LRRC3B: variants seen among roughly 807,000 people sequenced by gnomAD.
The protein encoded by LRRC3B is leucine-rich repeat-containing protein 3B.
LRRC3B carries 2 observed loss-of-function variants against 12.8 expected under a neutral mutation model. The ratio of observed to expected loss-of-function variants is 0.16; its 90% CI spans 0.06 to 0.49. The LOEUF is 0.49. Ranked by LOEUF, LRRC3B falls within the 20% of genes least tolerant of loss-of-function variation. The probability of loss-of-function intolerance (pLI) is 0.96; values close to 1 mark genes in which losing one functional copy is unlikely to be tolerated. For missense variants in LRRC3B, 189 were observed against 319.4 expected (o/e 0.59, Z 3.11); for synonymous variants, 132 against 122.0 (o/e 1.08, Z -0.54).
intron 1 of LRRC3B, among the ~76,000 whole-genome samples, chr3:26,695,172 G>A (rs1176765606): frequency 6.6e-6 from 1 of 152,060 alleles, no homozygotes; most frequent in Non-Finnish European, 1.5e-5. Context: ...TCATTTTGAT[G>A]TACCATATTT....
rs375022327 is a variant in LRRC3B at position 26,685,245 on chromosome 3, G to T, written c.-160-24268G>T. 2.7e-4 allele frequency among the ~76,000 whole-genome samples: 41 copies of T among 152,118 alleles called. No homozygotes were observed. The East Asian group carries it at 5.1e-3, about 19-fold the overall frequency. On this transcript the variant is annotated intron_variant, in intron 1 of 1. Transcript: ENST00000396641. The stretch of plus-strand genomic sequence containing the variant: ...TGGGATTGCAGGCATGAGGTACTGT[G>T]CCTGGCCCACATGGGGGTTATTGTT...
At chr3:26,649,768 G>A (rs752210868) in intron 1 of LRRC3B, among the ~76,000 whole-genome samples, 3 of 152,090 alleles carry the variant, frequency 2.0e-5, no homozygotes, top group Non-Finnish European at 4.4e-5. Context: ...AAATTCCTTA[G>A]CCTGGCATCT....
intron 1 of LRRC3B, among the ~76,000 whole-genome samples, chr3:26,683,412 G>C (rs115674193): frequency 1.3e-5 from 2 of 150,054 alleles, no homozygotes; most frequent in African/African-American, 5.1e-5. Context: ...TTTCTTTGGG[G>C]CCCACCAGTT....
chr3:26,624,382 C>G (rs1174209447), intron 1 of LRRC3B: 1 of 152,952 alleles, frequency 6.5e-6, no homozygotes, highest in African/African-American at 2.4e-5. Context: ...CGCCCACCTT[C>G]CCTGCCAGGC....
chr3:26,688,337 G>C (rs1192489900), intron 1 of LRRC3B, among the ~76,000 whole-genome samples: 1 of 152,214 alleles, frequency 6.6e-6, no homozygotes, highest in Non-Finnish European at 1.5e-5. Flanking sequence ...AAGGTTGAAA[G>C]TTCGACTTGG....
At chr3:26,671,404 A>AGAGAGAGAGAGAGAGAGAGG (rs1699741487) in intron 1 of LRRC3B, among the ~76,000 whole-genome samples, 1 of 130,306 alleles carries the variant, frequency 7.7e-6, no homozygotes. Context: ...AGAGAGAGAG[A>AGAGAGAGAGAGAGAGAGAGG]GAGAGAGAGA....
intron 1 of LRRC3B, among the ~76,000 whole-genome samples, chr3:26,628,434 A>T (rs1453476032): frequency 1.3e-5 from 2 of 151,256 alleles, no homozygotes; most frequent in African/African-American, 4.8e-5. Flanking sequence ...AAAAAAAAAA[A>T]AAAAAGCTCA....
At chr3:26,703,284 T>C (rs912496557) in intron 1 of LRRC3B, among the ~76,000 whole-genome samples, 2 of 152,116 alleles carry the variant, frequency 1.3e-5, no homozygotes, top group Non-Finnish European at 2.9e-5. Flanking sequence ...TTTGGGAATA[T>C]TGCATTAAAG....
intron 1 of LRRC3B, among the ~76,000 whole-genome samples, chr3:26,667,952 A>C (rs1340030606): frequency 6.6e-6 from 1 of 151,778 alleles, no homozygotes; most frequent in Non-Finnish European, 1.5e-5. Context: ...ATTATACTTT[A>C]AGTTTTTAAT....
intron 1 of LRRC3B, among the ~76,000 whole-genome samples, chr3:26,686,411 CT>C (rs1700090421): frequency 6.6e-6 from 1 of 152,150 alleles, no homozygotes; most frequent in South Asian, 2.1e-4. Context: ...TTCCATGCTC[CT>C]TATGGTAACT....
At chr3:26,641,010 T>C (rs1226687569) in intron 1 of LRRC3B, among the ~76,000 whole-genome samples, 1 of 152,094 alleles carries the variant, frequency 6.6e-6, no homozygotes, top group Non-Finnish European at 1.5e-5. Flanking sequence ...TCTACAGTTG[T>C]GGGAGATGTT....
chr3:26,636,742 C>G (rs776673024), intron 1 of LRRC3B, among the ~76,000 whole-genome samples: 1 of 151,668 alleles, frequency 6.6e-6, no homozygotes, highest in Non-Finnish European at 1.5e-5. Flanking sequence ...TTCTGCCCAG[C>G]CTGGGTTTAG....
chr3:26,671,413 G>GAGAGACAGAGAGAGAGACAC (rs9331540), intron 1 of LRRC3B, among the ~76,000 whole-genome samples: 2 of 99,388 alleles, frequency 2.0e-5, no homozygotes, highest in Non-Finnish European at 3.9e-5. Context: ...GAGAGAGAGA[G>GAGAGACAGAGAGAGAGACAC]ACGAAGTCTT....
At chr3:26,710,001 G>A (rs1486737127) in exon 2 of LRRC3B, 2 of 1,614,096 alleles carry the variant, frequency 1.2e-6, no homozygotes, top group Admixed American at 1.7e-5. Flanking sequence ...GCCTTCAAAG[G>A]AGTAGCTGAA....
chr3:26,707,199 G>GA (rs34703302), intron 1 of LRRC3B, among the ~76,000 whole-genome samples: 28,643 of 129,666 alleles, frequency 0.22, 3,730 homozygotes, highest in Non-Finnish European at 0.3. Flanking sequence ...TAAAAATACA[G>GA]AAAAAAAAAA....
chr3:26,697,800 G>A (rs1391659108), intron 1 of LRRC3B, among the ~76,000 whole-genome samples: 1 of 152,110 alleles, frequency 6.6e-6, no homozygotes, highest in Admixed American at 6.6e-5. Context: ...CATCTTGGGA[G>A]CAAAATTTCT....
At chr3:26,645,248 T>A (rs1699118701) in intron 1 of LRRC3B, among the ~76,000 whole-genome samples, 1 of 152,202 alleles carries the variant, frequency 6.6e-6, no homozygotes, top group Admixed American at 6.5e-5. Context: ...AGAACTTGGA[T>A]AAAATTTTTT....
At chr3:26,664,942 A>G (rs1699568503) in intron 1 of LRRC3B, among the ~76,000 whole-genome samples, 3 of 151,268 alleles carry the variant, frequency 2.0e-5, no homozygotes, top group Non-Finnish European at 4.4e-5. Flanking sequence ...TTTCTGATCT[A>G]GTAGGTCTGG....
At chr3:26,683,944 T>C (rs1412623430) in intron 1 of LRRC3B, among the ~76,000 whole-genome samples, 1 of 152,256 alleles carries the variant, frequency 6.6e-6, no homozygotes, top group Non-Finnish European at 1.5e-5. Context: ...CATATTGATG[T>C]GTGAGAAAAG....
Sources: gnomAD v4.1 joint callset for allele counts (sites outside exome capture counted in the v4.1 genomes callset) on GRCh38, gnomAD v4.1.1 for gene constraint, MANE v1.5 for transcripts, NCBI Gene and HGNC (gene_info 2026-07-23, HGNC 2026-07-21) for gene names.